The following TMC7 variants were observed in gnomAD, a reference collection of about 807,000 sequenced individuals.
TMC7 encodes the protein transmembrane channel like 7.
Under a neutral mutation model 82.9 loss-of-function variants are expected in TMC7, and 54 were observed. The ratio of observed to expected loss-of-function variants is 0.65; its 90% CI spans 0.52 to 0.82. The LOEUF (loss-of-function observed/expected upper bound fraction) is 0.82, where lower values mean the gene tolerates loss of function less well. TMC7 is among the 40% of genes least tolerant of loss of function. TMC7 has a pLI of 0.00. For synonymous variants in TMC7, 350 were observed against 337.9 expected, an observed-to-expected ratio of 1.04 and a Z score of -0.39; for missense variants, 820 against 901.2, an observed-to-expected ratio of 0.91 and a Z score of 1.15.
chr16:18,989,052 CAA>C (rs11351746), intron 1 of TMC7, among the ~76,000 whole-genome samples: 180 of 110,976 alleles, frequency 1.6e-3, no homozygotes, highest in Non-Finnish European at 1.9e-3. Flanking sequence ...GACTCTGTCT[CAA>C]AAAAAAAAAA....
intron 1 of TMC7, among the ~76,000 whole-genome samples, chr16:19,008,487 C>T (rs2039279947): frequency 6.6e-6 from 1 of 152,184 alleles, no homozygotes; most frequent in Admixed American, 6.5e-5. Flanking sequence ...CTGGGGCAGT[C>T]ATCCCACATA....
chr16:18,986,978 T>C (rs1364841944), intron 1 of TMC7, among the ~76,000 whole-genome samples: 1 of 151,980 alleles, frequency 6.6e-6, no homozygotes, highest in African/African-American at 2.4e-5. Context: ...CTAATTTTTT[T>C]GTATTTTTAG....
intron 2 of TMC7, among the ~76,000 whole-genome samples, chr16:19,015,161 G>C (rs190675066): frequency 6.6e-6 from 1 of 151,778 alleles, no homozygotes; most frequent in African/African-American, 2.4e-5. Context: ...ACGGGGTTTC[G>C]CCATGTTGGT....
At chr16:19,006,812 G>A (rs1324072358) in intron 1 of TMC7, among the ~76,000 whole-genome samples, 1 of 151,798 alleles carries the variant, frequency 6.6e-6, no homozygotes, top group Non-Finnish European at 1.5e-5. Flanking sequence ...GGTTTTTTTT[G>A]TTTTCTTTTG....
At chr16:19,045,591 CTTTTTTT>C (rs58444252) in intron 11 of TMC7, among the ~76,000 whole-genome samples, 153 bp downstream of exon 11, 3 of 77,754 alleles carry the variant, frequency 3.9e-5, no homozygotes, top group Admixed American at 3.3e-4. Flanking sequence ...TGGTAACTTT[CTTTTTTT>C]TTTTTTTTTT....
chr16:19,038,227 CTCT>C (rs1402427312), intron 8 of TMC7, among the ~76,000 whole-genome samples, 180 bp downstream of exon 8: 2 of 151,992 alleles, frequency 1.3e-5, no homozygotes, highest in Non-Finnish European at 2.9e-5. Flanking sequence ...TGGAGTTTTG[CTCT>C]TCTTGCCCAG....
chr16:19,019,404 T>A (rs1340678458), intron 3 of TMC7, among the ~76,000 whole-genome samples: 1 of 152,238 alleles, frequency 6.6e-6, no homozygotes, highest in Non-Finnish European at 1.5e-5. Flanking sequence ...AACCATGCAC[T>A]CATACTTTTT....
At chr16:19,019,213 CTT>C (rs758715137) in intron 3 of TMC7, among the ~76,000 whole-genome samples, 5 of 152,152 alleles carry the variant, frequency 3.3e-5, no homozygotes. Context: ...AAAATGGAAA[CTT>C]TGTGAGGTTT....
chr16:19,047,485 C>G (rs1961332838), intron 12 of TMC7, among the ~76,000 whole-genome samples: 2 of 150,978 alleles, frequency 1.3e-5, no homozygotes, highest in African/African-American at 4.9e-5. Context: ...GCAACCTCCC[C>G]CTCCTAAGTT....
In TMC7 at chr16:19,063,670, AT is replaced by A. The variant is rs1040516566; in HGVS notation, c.*1830del. 8.9e-6 allele frequency: 1 copy of A among 112,198 alleles called. No homozygotes were observed. The highest frequency in any genetic ancestry group is 2.0e-5 in the Non-Finnish European group (1 of 49,132). The allele number at this position is 112,198 out of a possible 1,614,324, so 7.0% of individuals were successfully genotyped here. ...AGACTTGATGATATTCAAGTTTTCT[AT>A]TTGTGTGTGTGTGTGTGTGTGTGTG... On this transcript the variant is annotated 3_prime_UTR_variant, in exon 16 of 16. Coordinates refer to ENST00000304381, the MANE Select transcript of TMC7 (RefSeq NM_024847.4).
At position 18,984,157 on chromosome 16, in the gene TMC7, G is replaced by A. The variant is rs550309787; in HGVS notation, c.67+27G>A. On this transcript the variant is annotated intron_variant, in intron 1 of 15. Transcript: ENST00000304381. ...TAGGGCGGCAGGGAGCGCGCGCGGG[G>A]ACGGTGCCCCTGGGGTCCGAGGGCG... 4.5e-3 allele frequency: 6,621 copies of A among 1,487,120 alleles called. 22 individuals are homozygous for A. The highest frequency in any genetic ancestry group is 7.1e-3 in the Middle Eastern group (30 of 4,202). 92.1% of individuals were successfully genotyped at this position (1,487,120 alleles called of 1,614,324 possible).
At chr16:19,015,032 C>T (rs563354587) in intron 2 of TMC7, among the ~76,000 whole-genome samples, 5 of 151,928 alleles carry the variant, frequency 3.3e-5, no homozygotes, top group East Asian at 1.9e-4. Context: ...GGCAACATCT[C>T]GGCCCACTGC....
chr16:18,984,683 TGCC>T (rs755872033), intron 1 of TMC7: 14 of 202,846 alleles, frequency 6.9e-5, no homozygotes, highest in Non-Finnish European at 1.0e-4. Context: ...TCTAGCACAG[TGCC>T]TGGCATTGTG....
chr16:19,059,521 A>G (rs1961912624), intron 15 of TMC7, 27 bp downstream of exon 15: 1 of 1,614,146 alleles, frequency 6.2e-7, no homozygotes. Flanking sequence ...CCAGAGGGTC[A>G]TGGCTGGGGA....
intron 1 of TMC7, among the ~76,000 whole-genome samples, chr16:18,995,792 A>G (rs1045154610): frequency 6.6e-6 from 1 of 152,112 alleles, no homozygotes; most frequent in South Asian, 2.1e-4. Context: ...AGGTCCTGTT[A>G]TGGGGTTTGA....
Position 19,050,755 on chromosome 16 carries a change from C to A in TMC7, c.1741-931C>A, listed in dbSNP as rs145877558. 6.9e-3 allele frequency among the ~76,000 whole-genome samples: 1,057 copies of A among 152,280 alleles called. 11 individuals are homozygous for A. Among genetic ancestry groups the A allele is most frequent in the Middle Eastern group, 0.048 (14 of 294 alleles). On this transcript the variant is annotated intron_variant, in intron 12 of 15. Coordinates refer to ENST00000304381, the MANE Select transcript of TMC7 (RefSeq NM_024847.4). ...GCCTCAAGTGATCCACCCACCTAGG[C>A]CTCCCGAAGTGCTGGGATTACAGGC... is the stretch of plus-strand genomic sequence containing the variant.
At chr16:19,027,324 C>T (rs1960283331) in intron 5 of TMC7, among the ~76,000 whole-genome samples, 1 of 151,974 alleles carries the variant, frequency 6.6e-6, no homozygotes, top group African/African-American at 2.4e-5. Context: ...GCCTCAGCCT[C>T]CGAAAGTGCT....
At position 19,000,242 on chromosome 16, in the gene TMC7, G is replaced by C. The variant is rs189505768; in HGVS notation, c.68-8930G>C. 2.4e-3 allele frequency among the ~76,000 whole-genome samples: 368 copies of C among 151,786 alleles called. 1 individual carries two copies. The highest frequency in any genetic ancestry group is 8.1e-3 in the African/African-American group (337 of 41,428). ...GCACTTTGGGAGGCTGAGGCAAGTGGATCATTTGAGGCCAAGAGTTCGAGG... is the reference window on the plus strand; with the variant it reads ...GCACTTTGGGAGGCTGAGGCAAGTGCATCATTTGAGGCCAAGAGTTCGAGG... On this transcript the variant is annotated intron_variant, in intron 1 of 15. Transcript: ENST00000304381.
At chr16:19,041,704 T>C (rs1347449618) in intron 9 of TMC7, among the ~76,000 whole-genome samples, 4 of 152,134 alleles carry the variant, frequency 2.6e-5, no homozygotes, top group African/African-American at 7.2e-5. Flanking sequence ...ATGGGAGCTT[T>C]AAATATATAA....
Sources: gnomAD v4.1 joint callset for allele counts (sites outside exome capture counted in the v4.1 genomes callset) on GRCh38, gnomAD v4.1.1 for gene constraint, MANE v1.5 for transcripts, NCBI Gene and HGNC (gene_info 2026-07-23, HGNC 2026-07-21) for gene names.